PTPRM: variants seen among roughly 807,000 people sequenced by gnomAD.
PTPRM encodes receptor-type tyrosine-protein phosphatase mu.
PTPRM carries 47 observed loss-of-function variants against 186.7 expected under a neutral mutation model. That is an observed-to-expected ratio of 0.25 (90% CI 0.20 to 0.32). The LOEUF (loss-of-function observed/expected upper bound fraction) is 0.32, where lower values mean the gene tolerates loss of function less well. Among genes scored for constraint, PTPRM ranks in the 10% least tolerant of loss-of-function variants. The pLI, the probability that PTPRM is intolerant of heterozygous loss-of-function variation, is 1.00. For missense variants in PTPRM, 1,494 were observed against 1,865.0 expected, an observed-to-expected ratio of 0.80 and a Z score of 3.66; for synonymous variants, 668 against 674.9, an observed-to-expected ratio of 0.99 and a Z score of 0.16.
intron 7 of PTPRM, among the ~76,000 whole-genome samples, chr18:8,064,399 A>C (rs2088888889): frequency 6.6e-6 from 1 of 151,780 alleles, no homozygotes; most frequent in Non-Finnish European, 1.5e-5. Flanking sequence ...GCTTCTCTTA[A>C]ACGAGTACTG....
chr18:7,887,995 T>C (rs769759451), intron 2 of PTPRM, 111 bp from the exon 3 acceptor site: 15 of 1,284,946 alleles, frequency 1.2e-5, no homozygotes, highest in Middle Eastern at 1.8e-4. Flanking sequence ...AGTTTAAGCC[T>C]AAGTAAGACA....
intron 3 of PTPRM, among the ~76,000 whole-genome samples, chr18:7,904,932 T>C (rs528957835): frequency 6.6e-6 from 1 of 152,372 alleles, no homozygotes; most frequent in South Asian, 2.1e-4. Flanking sequence ...TTTTAGTCAA[T>C]TAATCAGATT....
chr18:8,241,512 T>C (rs927691836), intron 14 of PTPRM, among the ~76,000 whole-genome samples: 8 of 152,188 alleles, frequency 5.3e-5, no homozygotes, highest in African/African-American at 1.9e-4. Flanking sequence ...TGATTTATTT[T>C]TAAATTTGAA....
intron 10 of PTPRM, among the ~76,000 whole-genome samples, chr18:8,088,254 T>C (rs2090532219): frequency 6.7e-6 from 1 of 149,904 alleles, no homozygotes; most frequent in African/African-American, 2.5e-5. Flanking sequence ...TTCCAACAAA[T>C]CTCTCTGACT....
At chr18:8,141,403 A>G (rs2092764033) in intron 13 of PTPRM, among the ~76,000 whole-genome samples, 1 of 152,170 alleles carries the variant, frequency 6.6e-6, no homozygotes, top group African/African-American at 2.4e-5. Context: ...GCAATGTGAA[A>G]TGAGTTAAAA....
At position 8,247,830 on chromosome 18, in the gene PTPRM, C is replaced by T. The variant is rs749320053; in HGVS notation, c.2453-15C>T. ...CCTCTCTGCTGCCCCTGACCAGCCT[C>T]TCTTTTATTTACAGCTGTGTCTTCA... On this transcript the variant is annotated splice_polypyrimidine_tract_variant and intron_variant, in intron 15 of 32. Coordinates refer to ENST00000580170, the MANE Select transcript of PTPRM (RefSeq NM_001105244.2). 1.9e-6 allele frequency: 3 copies of T among 1,572,242 alleles called. No individual in the cohort carries two copies. The highest frequency in any genetic ancestry group is 2.2e-5 in the East Asian group (1 of 44,676).
intron 7 of PTPRM, among the ~76,000 whole-genome samples, chr18:8,050,356 T>A (rs566222943): frequency 1.3e-5 from 2 of 152,324 alleles, no homozygotes; most frequent in African/African-American, 4.8e-5. Context: ...AGGAAGGCAT[T>A]CTGGCAGTGG....
At chr18:8,400,557 CCT>C (rs1220545445) in intron 32 of PTPRM, among the ~76,000 whole-genome samples, 1 of 152,150 alleles carries the variant, frequency 6.6e-6, no homozygotes, top group Non-Finnish European at 1.5e-5. Context: ...GATCAGCGGG[CCT>C]CTCCCTTCCC....
At chr18:8,321,725 A>G (rs1484061875) in intron 22 of PTPRM, among the ~76,000 whole-genome samples, 1 of 152,218 alleles carries the variant, frequency 6.6e-6, no homozygotes, top group Non-Finnish European at 1.5e-5. Context: ...CAGTACTAAC[A>G]TCACTGCTGG....
chr18:7,879,212 A>T (rs2048380116), intron 2 of PTPRM, among the ~76,000 whole-genome samples: 1 of 152,216 alleles, frequency 6.6e-6, no homozygotes, highest in East Asian at 1.9e-4. Flanking sequence ...TCCTCTCTGC[A>T]GTGAGCCTCT....
At chr18:7,877,265 G>A (rs893342082) in intron 2 of PTPRM, among the ~76,000 whole-genome samples, 2 of 151,984 alleles carry the variant, frequency 1.3e-5, no homozygotes, top group Non-Finnish European at 2.9e-5. Flanking sequence ...TTCACTCCAC[G>A]TTGCACCTAG....
chr18:8,263,321 C>G (rs949334322), intron 19 of PTPRM, among the ~76,000 whole-genome samples: 9 of 152,090 alleles, frequency 5.9e-5, no homozygotes, highest in Non-Finnish European at 1.3e-4. Context: ...GTTGGCCAGG[C>G]TGGTCTCGAA....
At chr18:8,085,165 G>A (rs982260513) in intron 9 of PTPRM, among the ~76,000 whole-genome samples, 15 of 152,080 alleles carry the variant, frequency 9.9e-5, no homozygotes, top group Admixed American at 8.5e-4. Context: ...GTAGCATCAG[G>A]AATGACTGGA....
At chr18:7,932,211 G>T (rs1463740798) in intron 5 of PTPRM, among the ~76,000 whole-genome samples, 3 of 152,200 alleles carry the variant, frequency 2.0e-5, no homozygotes, top group South Asian at 4.1e-4. Flanking sequence ...GATCAGGCTA[G>T]GGGTTGAGGT....
chr18:7,625,030 A>C (rs2038027097), intron 1 of PTPRM, among the ~76,000 whole-genome samples: 2 of 152,124 alleles, frequency 1.3e-5, no homozygotes, highest in African/African-American at 4.8e-5. Context: ...CAAAATGATC[A>C]CTTTTTGCCT....
At chr18:7,996,499 T>C (rs2083546017) in intron 7 of PTPRM, among the ~76,000 whole-genome samples, 1 of 152,178 alleles carries the variant, frequency 6.6e-6, no homozygotes, top group Non-Finnish European at 1.5e-5. Flanking sequence ...AAGCCCATTT[T>C]CACCACTTTC....
chr18:7,950,944 A>G (rs1448076010), intron 6 of PTPRM, among the ~76,000 whole-genome samples: 1 of 152,154 alleles, frequency 6.6e-6, no homozygotes, highest in African/African-American at 2.4e-5. Context: ...TGCCAGTGTT[A>G]GTTAGTCACA....
At chr18:7,885,440 G>C (rs2048735601) in intron 2 of PTPRM, among the ~76,000 whole-genome samples, 2 of 152,088 alleles carry the variant, frequency 1.3e-5, no homozygotes, top group East Asian at 3.9e-4. Flanking sequence ...CTTCAGCTTT[G>C]TTTAAAAGAC....
At chr18:7,739,592 G>A (rs2040845851) in intron 1 of PTPRM, among the ~76,000 whole-genome samples, 1 of 152,104 alleles carries the variant, frequency 6.6e-6, no homozygotes, top group South Asian at 2.1e-4. Flanking sequence ...TCAACTTTAG[G>A]ATAAATGGGG....
Sources: allele counts gnomAD v4.1 joint callset (sites outside exome capture counted in the v4.1 genomes callset), GRCh38; gene constraint gnomAD v4.1.1; transcripts MANE v1.5; gene names NCBI Gene and HGNC (gene_info 2026-07-23, HGNC 2026-07-21).